PPIF: variants seen among roughly 807,000 people sequenced by gnomAD.
The protein encoded by PPIF is peptidylprolyl isomerase F, also known as peptidyl-prolyl cis-trans isomerase F, mitochondrial.
A neutral mutation model predicts 20.2 loss-of-function variants in PPIF; 23 were observed. The ratio of observed to expected loss-of-function variants is 1.14; its 90% CI spans 0.82 to 1.61. PPIF has a LOEUF of 1.61. Ranked by LOEUF, PPIF falls within the 40% of genes most tolerant of loss-of-function variation. The pLI is 0.00. For missense variants in PPIF, 287 were observed against 291.6 expected, an observed-to-expected ratio of 0.98 and a Z score of 0.11; for synonymous variants, 113 against 123.1, an observed-to-expected ratio of 0.92 and a Z score of 0.54.
rs774159432 is a variant in PPIF, at chr10:79,352,353, A to G, written c.449A>G (p.Asn150Ser). The G allele has an allele frequency of 6.8e-6, 11 of 1,614,202 alleles. No homozygotes were observed. Among genetic ancestry groups the G allele is most frequent in the East Asian group, 2.2e-5 (1 of 44,882 alleles). ...LSMANAGPNT[N>S]GSQFFICTIK... ...ATGGCTAATGCTGGTCCTAACACCA[A>G]CGGCTCCCAGTTCTTCATCTGCACC... is the stretch of plus-strand genomic sequence containing the variant. The change falls in exon 5 of 6, where the codon AAC (asparagine) becomes AGC (serine). Residue 150 changes from asparagine to serine, a missense_variant. By Grantham distance (46) the Asn-to-Ser change is conservative. Transcript: ENST00000225174.
intron 5 of PPIF, 26 bp from the exon 6 acceptor site, chr10:79,353,681 C>G (rs1856010411): frequency 1.9e-6 from 3 of 1,614,210 alleles, no homozygotes; most frequent in Non-Finnish European, 2.5e-6. Context: ...TACACTGTTG[C>G]TCACCCGGGT....
chr10:79,352,468 G>T, intron 5 of PPIF, 76 bp downstream of exon 5: 6 of 1,484,442 alleles, frequency 4.0e-6, no homozygotes, highest in African/African-American at 1.4e-5. Flanking sequence ...ACTTTTAGGG[G>T]CAGGCAGTTT....
intron 3 of PPIF, among the ~76,000 whole-genome samples, chr10:79,351,280 G>T (rs876678): frequency 0.53 from 80,784 of 151,834 alleles, 21,770 homozygotes; most frequent in East Asian, 0.65. Flanking sequence ...AGGTAGTTAC[G>T]GTGACAAAAG....
chr10:79,352,162 G>T (rs1169420761), intron 4 of PPIF, among the ~76,000 whole-genome samples, 155 bp from the exon 5 acceptor site: 1 of 152,102 alleles, frequency 6.6e-6, no homozygotes, highest in African/African-American at 2.4e-5. Context: ...GCATACCCTG[G>T]GGGGCTGGTA....
At position 79,353,833 on chromosome 10, in the gene PPIF, G is replaced by A. The variant is rs1564624582; in HGVS notation, c.615G>A (p.Gln205=). 1 of 1,614,234 alleles carries A rather than the reference G, an allele frequency of 6.2e-7. No homozygotes were observed. Among genetic ancestry groups the A allele is most frequent in the Admixed American group, 1.7e-5 (1 of 60,036 alleles). The change falls in exon 6 of 6, where the codon CAG becomes CAA. Residue 205 remains glutamine, a synonymous_variant. Coordinates refer to ENST00000225174, the MANE Select transcript of PPIF (RefSeq NM_005729.4). ...AGATTGTCATCACAGACTGTGGCCA[G>A]TTGAGCTAATCTGTGGCCAGGGTGC... is the stretch of plus-strand genomic sequence containing the variant. The part of the protein sequence containing the change: ...SKKIVITDCG[Q]LS
intron 4 of PPIF, 188 bp downstream of exon 4, chr10:79,351,771 C>T (rs1332308972): frequency 1.8e-6 from 1 of 561,472 alleles, no homozygotes. Context: ...TCTCATCTCT[C>T]AGTTTAAAAA....
Position 79,352,352 on chromosome 10 carries a change from A to G in PPIF, c.448A>G (p.Asn150Asp). Residue 150 changes from asparagine to aspartate, a missense_variant, in exon 5 of 6, where the codon AAC (asparagine) becomes GAC (aspartate). Physicochemically the swap from Asn to Asp is conservative, Grantham distance 23. Transcript: ENST00000225174. ...LSMANAGPNTNGSQFFICTIK... is the reference protein window; with the variant it reads ...LSMANAGPNTDGSQFFICTIK... Reference sequence around the variant, plus strand: ...CATGGCTAATGCTGGTCCTAACACCAACGGCTCCCAGTTCTTCATCTGCAC... The same window carrying G: ...CATGGCTAATGCTGGTCCTAACACCGACGGCTCCCAGTTCTTCATCTGCAC... 1 of 1,614,108 alleles carries G rather than the reference A, an allele frequency of 6.2e-7. No individual in the cohort carries two copies. The highest frequency in any genetic ancestry group is 8.5e-7 in the Non-Finnish European group (1 of 1,180,030).
chr10:79,350,085 C>A, intron 3 of PPIF: 1 of 324,404 alleles, frequency 3.1e-6, no homozygotes, highest in Non-Finnish European at 6.0e-6. Context: ...CTGACCTTGT[C>A]CCCTGTGTGC....
At position 79,349,060 on chromosome 10, in the gene PPIF, T is replaced by G. The variant is rs1855941326; in HGVS notation, c.196-16T>G. 1.9e-6 allele frequency: 3 copies of G among 1,613,894 alleles called. No individual in the cohort carries two copies. The East Asian group carries it at 6.7e-5, about 36-fold the overall frequency. Reference sequence around the variant, plus strand: ...TCCAATGACCATCCTCTTTTGTCCTTCTTCTCCCCCAACAGCTGAAGGCAG... The same window carrying G: ...TCCAATGACCATCCTCTTTTGTCCTGCTTCTCCCCCAACAGCTGAAGGCAG... On this transcript the variant is annotated splice_polypyrimidine_tract_variant and intron_variant, in intron 1 of 5. Coordinates refer to ENST00000225174, the MANE Select transcript of PPIF (RefSeq NM_005729.4).
intron 3 of PPIF, among the ~76,000 whole-genome samples, chr10:79,350,917 C>G (rs1305798647): frequency 6.6e-6 from 1 of 152,230 alleles, no homozygotes; most frequent in African/African-American, 2.4e-5. Flanking sequence ...GCCATGGGTG[C>G]CCCATGCAGG....
rs879011989 is a variant in PPIF, at chr10:79,349,177, C to T, written c.226+71C>T. The T allele has an allele frequency of 5.8e-5, 93 of 1,612,242 alleles. 1 individual carries two copies. The South Asian group carries it at 6.0e-4, about 10-fold the overall frequency. ...GGGCCAGGCAGGGCAAGGTGGGTGGCGTGATGAGAAGAGTCGGGGCTCAGA... is the reference window on the plus strand; with the variant it reads ...GGGCCAGGCAGGGCAAGGTGGGTGGTGTGATGAGAAGAGTCGGGGCTCAGA... On this transcript the variant is annotated intron_variant, in intron 2 of 5. Transcript: ENST00000225174.
chr10:79,350,981 T>G (rs114942121), intron 3 of PPIF, among the ~76,000 whole-genome samples: 2,715 of 152,278 alleles, frequency 0.018, 80 homozygotes, highest in African/African-American at 0.062. Flanking sequence ...ATGTCAGCCT[T>G]GGGCAGACTC....
chr10:79,352,078 C>G (rs1196333693), intron 4 of PPIF, among the ~76,000 whole-genome samples: 5 of 152,178 alleles, frequency 3.3e-5, no homozygotes, highest in Non-Finnish European at 5.9e-5. Context: ...CGCCCCAGCT[C>G]TACCACTGAG....
rs983107419 is a variant in PPIF, at chr10:79,347,502, G to C, written c.-47G>C. 6.3e-6 allele frequency: 8 copies of C among 1,265,426 alleles called. No individual in the cohort carries two copies. Among genetic ancestry groups the C allele is most frequent in the Middle Eastern group, 3.1e-4 (1 of 3,274 alleles). 78.4% of individuals were successfully genotyped at this position (1,265,426 alleles called of 1,614,324 possible). A position where few individuals can be genotyped will look rare whatever the true frequency, so the allele number is the denominator to read the frequency against. ...TTCTGGGCGCGCGCGACGTCAGTTT[G>C]AGTTCTGTGTTCTCCCCGCCCGTGT... On this transcript the variant is annotated 5_prime_UTR_variant, in exon 1 of 6. Transcript: ENST00000225174.
chr10:79,350,528 A>G (rs1240671188), intron 3 of PPIF, among the ~76,000 whole-genome samples: 12 of 152,184 alleles, frequency 7.9e-5, no homozygotes, highest in Non-Finnish European at 1.8e-4. Flanking sequence ...TACCGTGGTA[A>G]GTGGCAGCGG....
At chr10:79,350,884 G>A (rs543079103) in intron 3 of PPIF, among the ~76,000 whole-genome samples, 1 of 152,358 alleles carries the variant, frequency 6.6e-6, no homozygotes, top group African/African-American at 2.4e-5. Context: ...GCTAGGCATA[G>A]GGGCTGCTAC....
chr10:79,351,432 C>A, intron 3 of PPIF, 55 bp from the exon 4 acceptor site: 1 of 1,572,910 alleles, frequency 6.4e-7, no homozygotes, highest in South Asian at 1.1e-5. Flanking sequence ...AGCGCCAGGG[C>A]CGTGGCCCCC....
In PPIF at chr10:79,353,870, C is replaced by T; in HGVS notation, c.*28C>T. 11 of 1,610,338 alleles carry T rather than the reference C, an allele frequency of 6.8e-6. No homozygotes were observed. The highest frequency in any genetic ancestry group is 2.2e-5 in the South Asian group (2 of 90,714). ...TGTGGCCAGGGTGCTGGCATGGTGG[C>T]AGCTGCAAATGTCCATGCACCCAGG... On this transcript the variant is annotated 3_prime_UTR_variant, in exon 6 of 6. Transcript: ENST00000225174.
chr10:79,353,067 C>T (rs113007532), intron 5 of PPIF, among the ~76,000 whole-genome samples: 1 of 152,234 alleles, frequency 6.6e-6, no homozygotes, highest in Admixed American at 6.5e-5. Flanking sequence ...TTTAGGGAGA[C>T]CTAGGTGGGG....
Sources: allele counts gnomAD v4.1 joint callset (sites outside exome capture counted in the v4.1 genomes callset), GRCh38; gene constraint gnomAD v4.1.1; transcripts MANE v1.5; gene names NCBI Gene and HGNC (gene_info 2026-07-23, HGNC 2026-07-21).